The following EFCAB6 variants were observed in gnomAD, a reference collection of about 807,000 sequenced individuals.
The protein encoded by EFCAB6 is EF-hand calcium-binding domain-containing protein 6.
A neutral mutation model predicts 169.8 loss-of-function variants in EFCAB6; 156 were observed. That is an observed-to-expected ratio of 0.92 (90% CI 0.81 to 1.05). The LOEUF (loss-of-function observed/expected upper bound fraction) is 1.05. Among genes scored for constraint, EFCAB6 ranks in the 50% least tolerant of loss-of-function variants. The probability of loss-of-function intolerance (pLI) is 0.00; values close to 1 mark genes in which losing one functional copy is unlikely to be tolerated. For missense variants in EFCAB6, 1,800 were observed against 1,829.1 expected (o/e 0.98, Z 0.29); for synonymous variants, 698 against 676.4 (o/e 1.03, Z -0.50).
At chr22:43,700,224 G>A (rs189977208) in intron 10 of EFCAB6, among the ~76,000 whole-genome samples, 1 of 152,088 alleles carries the variant, frequency 6.6e-6, no homozygotes, top group Non-Finnish European at 1.5e-5. Flanking sequence ...TTTCGATCTA[G>A]ATTTTTATGT....
intron 21 of EFCAB6, among the ~76,000 whole-genome samples, chr22:43,612,648 T>G (rs1012892674): frequency 2.6e-5 from 4 of 152,102 alleles, no homozygotes; most frequent in Non-Finnish European, 4.4e-5. Context: ...TTCCAGCACT[T>G]TGGGAGGCCA....
chr22:43,760,208 AAAAAAAAAAAAG>A (rs1382107255), intron 5 of EFCAB6, among the ~76,000 whole-genome samples: 1 of 137,680 alleles, frequency 7.3e-6, no homozygotes, highest in Non-Finnish European at 1.6e-5. Flanking sequence ...TGTCTCAAAA[AAAAAAAAAAAAG>A]AAAAAAGAAA....
intron 25 of EFCAB6, among the ~76,000 whole-genome samples, chr22:43,577,152 C>T (rs1414090644): frequency 6.6e-6 from 1 of 152,142 alleles, no homozygotes; most frequent in Non-Finnish European, 1.5e-5. Flanking sequence ...GTTGTGAATC[C>T]TACAGTAGAG....
At chr22:43,692,253 T>C (rs1283543252) in intron 10 of EFCAB6, among the ~76,000 whole-genome samples, 1 of 152,164 alleles carries the variant, frequency 6.6e-6, no homozygotes, top group African/African-American at 2.4e-5. Context: ...GATAACTGAC[T>C]ACTAAAATAA....
rs555038913 is a variant in EFCAB6, at chr22:43,632,059, G to C, written c.2232+46C>G. 15 of 1,603,082 alleles carry C rather than the reference G, an allele frequency of 9.4e-6. No individual in the cohort carries two copies. The South Asian group carries it at 1.6e-4, about 17-fold the overall frequency. On this transcript the variant is annotated intron_variant, in intron 19 of 31. Coordinates refer to ENST00000262726, the MANE Select transcript of EFCAB6 (RefSeq NM_022785.4). The stretch of plus-strand genomic sequence containing the variant: ...ACCCACTTGGGCTGCGTGGTTGGGA[G>C]CAGGGGAGGCCTAGAGAAGCCCAGC...
chr22:43,790,681 T>C (rs1168316544), intron 2 of EFCAB6, among the ~76,000 whole-genome samples: 1 of 152,142 alleles, frequency 6.6e-6, no homozygotes, highest in Non-Finnish European at 1.5e-5. Flanking sequence ...AGGGGGTTAG[T>C]GCAGAGGAGA....
intron 7 of EFCAB6, among the ~76,000 whole-genome samples, chr22:43,733,916 C>G (rs2060045166): frequency 6.6e-6 from 1 of 152,116 alleles, no homozygotes; most frequent in African/African-American, 2.4e-5. Flanking sequence ...ACCATGTTGG[C>G]CAGGACGGTC....
At chr22:43,763,745 G>A (rs1381855223) in intron 5 of EFCAB6, among the ~76,000 whole-genome samples, 1 of 151,710 alleles carries the variant, frequency 6.6e-6, no homozygotes, top group East Asian at 1.9e-4. Context: ...ACTAGATAGT[G>A]TATTTATAAT....
At chr22:43,632,291 C>CTTTTT in intron 18 of EFCAB6, 53 bp from the exon 19 acceptor site, 11 of 1,316,662 alleles carry the variant, frequency 8.4e-6, no homozygotes, top group Non-Finnish European at 1.0e-5. Context: ...AGCTTCATTC[C>CTTTTT]TTCTTTTTTT....
At chr22:43,667,367 T>G in intron 16 of EFCAB6, 95 bp from the exon 17 acceptor site, 1 of 1,450,546 alleles carries the variant, frequency 6.9e-7, no homozygotes, top group South Asian at 1.4e-5. Flanking sequence ...CCCATGACAG[T>G]AAGAAGGTTT....
intron 10 of EFCAB6, among the ~76,000 whole-genome samples, chr22:43,691,421 T>G (rs1295970045): frequency 6.6e-6 from 1 of 152,114 alleles, no homozygotes; most frequent in African/African-American, 2.4e-5. Context: ...TCAAAGGAGA[T>G]CTTCACTTAG....
intron 6 of EFCAB6, among the ~76,000 whole-genome samples, chr22:43,748,304 G>A (rs1040186669): frequency 6.6e-6 from 1 of 152,052 alleles, no homozygotes; most frequent in Admixed American, 6.5e-5. Context: ...CATCTTTTCC[G>A]CCAGTCTACC....
chr22:43,798,159 G>T (rs1219682937), intron 2 of EFCAB6, among the ~76,000 whole-genome samples: 1 of 152,054 alleles, frequency 6.6e-6, no homozygotes, highest in Non-Finnish European at 1.5e-5. Context: ...GCCAAGACAG[G>T]TGAATCACAA....
At chr22:43,662,291 G>T (rs541443421) in intron 17 of EFCAB6, among the ~76,000 whole-genome samples, 18 of 152,078 alleles carry the variant, frequency 1.2e-4, no homozygotes, top group African/African-American at 4.1e-4. Context: ...ACTTGGATCT[G>T]GGGACCCACA....
intron 6 of EFCAB6, among the ~76,000 whole-genome samples, chr22:43,745,851 G>A (rs2060543229): frequency 6.6e-6 from 1 of 152,144 alleles, no homozygotes; most frequent in African/African-American, 2.4e-5. Flanking sequence ...GAACAACACA[G>A]CTGTGCAGAT....
intron 26 of EFCAB6, among the ~76,000 whole-genome samples, chr22:43,558,282 C>CA (rs2048824404): frequency 6.6e-6 from 1 of 152,170 alleles, no homozygotes; most frequent in Non-Finnish European, 1.5e-5. Context: ...CAATGCCATT[C>CA]TTTTATGGTC....
At chr22:43,529,073 C>A in intron 31 of EFCAB6, 98 bp from the exon 32 acceptor site, 1 of 1,337,250 alleles carries the variant, frequency 7.5e-7, no homozygotes, top group South Asian at 1.7e-5. Context: ...TCCACCTGAT[C>A]CCCAACCCCA....
intron 18 of EFCAB6, among the ~76,000 whole-genome samples, chr22:43,633,382 T>C (rs1333858670): frequency 6.6e-6 from 1 of 152,114 alleles, no homozygotes; most frequent in African/African-American, 2.4e-5. Context: ...ACCCCATCTC[T>C]ACTAAAAATA....
intron 30 of EFCAB6, 143 bp downstream of exon 30, chr22:43,534,544 TA>T: frequency 2.8e-6 from 2 of 719,040 alleles, no homozygotes; most frequent in Non-Finnish European, 4.3e-6. Flanking sequence ...GAGGACCACC[TA>T]AGCTGGGAGT....
Sources: allele counts gnomAD v4.1 joint callset (sites outside exome capture counted in the v4.1 genomes callset), GRCh38; gene constraint gnomAD v4.1.1; transcripts MANE v1.5; gene names NCBI Gene and HGNC (gene_info 2026-07-23, HGNC 2026-07-21).